RNF138: variants seen among roughly 807,000 people sequenced by gnomAD.
The protein encoded by RNF138 is E3 ubiquitin-protein ligase RNF138.
RNF138 carries 12 observed loss-of-function variants against 31.0 expected under a neutral mutation model. The observed-to-expected ratio is 0.39, with a 90% confidence interval of 0.25 to 0.63. The LOEUF is 0.63. RNF138 is among the 20% of genes least tolerant of loss of function. The pLI, the probability that RNF138 is intolerant of heterozygous loss-of-function variation, is 0.52. For synonymous variants in RNF138, 105 were observed against 99.5 expected (o/e 1.06, Z -0.33); for missense variants, 192 against 300.1 (o/e 0.64, Z 2.66).
chr18:32,127,671 GATT>G (rs150843987), intron 7 of RNF138, among the ~76,000 whole-genome samples: 366 of 152,268 alleles, frequency 2.4e-3, no homozygotes, highest in Non-Finnish European at 3.2e-3. Context: ...AGTAATTCTA[GATT>G]ATTATTAAAT....
intron 4 of RNF138, among the ~76,000 whole-genome samples, chr18:32,117,782 G>T (rs570902620): frequency 6.6e-6 from 1 of 152,166 alleles, no homozygotes; most frequent in African/African-American, 2.4e-5. Flanking sequence ...ATTGGTGTGG[G>T]GTAGTTTCTC....
intron 2 of RNF138, among the ~76,000 whole-genome samples, chr18:32,108,287 T>TA (rs1375666886): frequency 1.3e-5 from 2 of 152,122 alleles, no homozygotes; most frequent in African/African-American, 4.8e-5. Context: ...AGCAACAGAT[T>TA]ATTAGCATCC....
At chr18:32,092,583 C>T (rs906136385) in intron 1 of RNF138, 117 bp from the exon 2 acceptor site, 2 of 578,280 alleles carry the variant, frequency 3.5e-6, no homozygotes, top group Non-Finnish European at 6.2e-6. Flanking sequence ...GCCTCTTGCC[C>T]GGCGCGTGCG....
rs1006611039 is a variant in RNF138, at chr18:32,092,717, C to G, written c.-60C>G. The G allele has an allele frequency of 9.3e-7, 1 of 1,080,298 alleles. No homozygotes were observed. Among genetic ancestry groups the G allele is most frequent in the Non-Finnish European group, 1.4e-6 (1 of 731,842 alleles). The allele number at this position is 1,080,298 out of a possible 1,614,324, so 66.9% of individuals were successfully genotyped here. Reference sequence around the variant, plus strand: ...TCATGTAGGGAGTCGGGCCCCGGGCCGCCACCGTCACCTCGGCCGCTGCCG... The same window carrying G: ...TCATGTAGGGAGTCGGGCCCCGGGCGGCCACCGTCACCTCGGCCGCTGCCG... On this transcript the variant is annotated 5_prime_UTR_variant, in exon 2 of 8. Transcript: ENST00000261593.
At chr18:32,095,974 A>T (rs1415624734) in intron 2 of RNF138, among the ~76,000 whole-genome samples, 3 of 152,194 alleles carry the variant, frequency 2.0e-5, no homozygotes, top group Non-Finnish European at 2.9e-5. Context: ...GCCTTAGGTC[A>T]GCGTTTGTAT....
chr18:32,113,961 A>G (rs568595277), intron 4 of RNF138, 101 bp downstream of exon 4: 2 of 586,736 alleles, frequency 3.4e-6, no homozygotes, highest in South Asian at 2.3e-5. Flanking sequence ...GTGTGTGTGT[A>G]TGTGCACATG....
At chr18:32,110,398 T>G (rs190512783) in intron 2 of RNF138, among the ~76,000 whole-genome samples, 121 of 152,382 alleles carry the variant, frequency 7.9e-4, no homozygotes, top group African/African-American at 2.9e-3. Context: ...AATAATGTGT[T>G]AAGCATTTTA....
chr18:32,119,802 C>T (rs1464577059), intron 4 of RNF138, among the ~76,000 whole-genome samples: 2 of 152,090 alleles, frequency 1.3e-5, no homozygotes, highest in Non-Finnish European at 2.9e-5. Context: ...TCTAGTAAAA[C>T]CTTATAGTTT....
rs1162870243 is a variant in RNF138 at position 32,130,667 on chromosome 18, T to C, written c.*1480T>C. On this transcript the variant is annotated 3_prime_UTR_variant, in exon 8 of 8. Transcript: ENST00000261593. ...TTGTTAAAACCCTTGTTGACTTTTC[T>C]ACACTGAACATTTTTTTTAACTTGA... is the stretch of plus-strand genomic sequence containing the variant. 6.6e-6 allele frequency: 1 copy of C among 152,510 alleles called. No homozygotes were observed. The highest frequency in any genetic ancestry group is 2.4e-5 in the African/African-American group (1 of 41,470). The allele number at this position is 152,510 out of a possible 1,614,324, so 9.4% of individuals were successfully genotyped here. A position where few individuals can be genotyped will look rare whatever the true frequency, so the allele number is the denominator to read the frequency against.
intron 7 of RNF138, among the ~76,000 whole-genome samples, chr18:32,128,400 TGGTGGTAC>T (rs2040417654): frequency 2.0e-5 from 3 of 152,250 alleles, no homozygotes; most frequent in Admixed American, 1.3e-4. Flanking sequence ...TAGCTGGGTG[TGGTGGTAC>T]GTATCTGTAA....
intron 7 of RNF138, among the ~76,000 whole-genome samples, chr18:32,128,481 TGA>T (rs935308660): frequency 6.6e-5 from 10 of 152,288 alleles, no homozygotes; most frequent in African/African-American, 2.2e-4. Flanking sequence ...GAGGTTGCAG[TGA>T]GCCAAGATTG....
intron 2 of RNF138, among the ~76,000 whole-genome samples, chr18:32,100,037 G>A (rs969620004): frequency 1.3e-5 from 2 of 152,162 alleles, no homozygotes; most frequent in Admixed American, 1.3e-4. Context: ...ATATCTTTTG[G>A]TTAAGGGATT....
Position 32,107,213 on chromosome 18 carries a change from C to T in RNF138, c.111-4541C>T, listed in dbSNP as rs188864284. Among the ~76,000 whole-genome samples, 639 of 149,850 alleles carry T rather than the reference C, an allele frequency of 4.3e-3. 4 individuals are homozygous for T. Among genetic ancestry groups the T allele is most frequent in the Non-Finnish European group, 6.2e-3 (418 of 67,530 alleles). ...TCGGCTCCCTGCAACCTCTGCCTCC[C>T]GGGTTTAAGCAGTTCTCCTGCCTCA... On this transcript the variant is annotated intron_variant, in intron 2 of 7. Transcript: ENST00000261593.
intron 2 of RNF138, among the ~76,000 whole-genome samples, chr18:32,093,712 C>T (rs997018470): frequency 1.3e-5 from 2 of 152,162 alleles, no homozygotes; most frequent in Admixed American, 6.5e-5. Context: ...GGTGAGATAA[C>T]GCATGCGTTT....
Position 32,113,792 on chromosome 18 carries a change from TC to T in RNF138, c.325del (p.Gln109ArgfsTer20). The stretch of plus-strand genomic sequence containing the variant: ...ATCATTACAAATCTTGTAAGAAGTA[TC>T]AGGATGAATATGGTGTTTCTTCTAT... ...RHHYKSCKKY[Q>X]DEYGVSSIIP... is the part of the protein sequence containing the mutation. On this transcript the variant is annotated frameshift_variant, in exon 4 of 8. Coordinates refer to ENST00000261593, the MANE Select transcript of RNF138 (RefSeq NM_016271.5). LOFTEE classifies it high-confidence loss of function. 1 of 1,555,188 alleles carries T rather than the reference TC, an allele frequency of 6.4e-7. No individual in the cohort carries two copies. The highest frequency in any genetic ancestry group is 1.2e-5 in the South Asian group (1 of 82,694).
chr18:32,096,616 A>G (rs895028327), intron 2 of RNF138, among the ~76,000 whole-genome samples: 1 of 152,236 alleles, frequency 6.6e-6, no homozygotes, highest in African/African-American at 2.4e-5. Context: ...AAGGATAGGA[A>G]GAAAACCAGG....
chr18:32,112,776 C>T (rs1017332009), intron 3 of RNF138, among the ~76,000 whole-genome samples: 2 of 152,122 alleles, frequency 1.3e-5, no homozygotes, highest in African/African-American at 2.4e-5. Flanking sequence ...AGCATTAATT[C>T]TCTAATCTGG....
At chr18:32,107,302 T>C (rs572666001) in intron 2 of RNF138, among the ~76,000 whole-genome samples, 58 of 149,232 alleles carry the variant, frequency 3.9e-4, no homozygotes, top group Middle Eastern at 3.4e-3. Flanking sequence ...TTTTTGTATT[T>C]TAGTAGAGAC....
intron 3 of RNF138, 56 bp downstream of exon 3, chr18:32,111,975 C>T (rs2040139755): frequency 6.8e-5 from 87 of 1,288,388 alleles, no homozygotes; most frequent in South Asian, 3.0e-4. Context: ...CTCTGAAATT[C>T]TTATTTGAAT....
Sources: allele counts gnomAD v4.1 joint callset (sites outside exome capture counted in the v4.1 genomes callset), GRCh38; gene constraint gnomAD v4.1.1; transcripts MANE v1.5; gene names NCBI Gene and HGNC (gene_info 2026-07-23, HGNC 2026-07-21).